ZPBP: variants seen among roughly 807,000 people sequenced by gnomAD.
The protein encoded by ZPBP is zona pellucida binding protein.
A neutral mutation model predicts 44.8 loss-of-function variants in ZPBP; 26 were observed. The observed-to-expected ratio is 0.58, with a 90% CI of 0.43 to 0.81. The LOEUF is 0.81. Ranked by LOEUF, ZPBP falls within the 30% of genes least tolerant of loss-of-function variation. The pLI is 0.00. For synonymous variants in ZPBP, 174 were observed against 153.2 expected, an observed-to-expected ratio of 1.14 and a Z score of -1.00; for missense variants, 409 against 434.0, an observed-to-expected ratio of 0.94 and a Z score of 0.51.
chr7:49,909,506 G>A (rs1176993369), intron 1 of ZPBP, among the ~76,000 whole-genome samples: 2 of 152,176 alleles, frequency 1.3e-5, no homozygotes, highest in African/African-American at 2.4e-5. Context: ...GTGTGGTGGA[G>A]TGCAGAGAGG....
chr7:49,963,173 T>A (rs531397380), intron 7 of ZPBP, among the ~76,000 whole-genome samples: 2,641 of 147,118 alleles, frequency 0.018, 28 homozygotes, highest in Middle Eastern at 0.028. Flanking sequence ...TGGTTTTTTT[T>A]AATTTTATTA....
rs5884137 is a variant in ZPBP, at chr7:50,054,262, C to CA, written c.487+3726dup. ...GAATTAAAATTGATAGCTCTCATTACAAAAAAAAAATTGAAACTTCTGTTA... is the reference window on the plus strand; with the variant it reads ...GAATTAAAATTGATAGCTCTCATTACAAAAAAAAAAATTGAAACTTCTGTTA... On this transcript the variant is annotated intron_variant, in intron 4 of 7. Transcript: ENST00000046087. Among the ~76,000 whole-genome samples the CA allele has an allele frequency of 4.8e-3, 715 of 148,398 alleles. 3 individuals carry two copies. Among genetic ancestry groups the CA allele is most frequent in the African/African-American group, 0.017 (677 of 40,270 alleles).
chr7:50,048,155 C>T (rs547710972), intron 4 of ZPBP, among the ~76,000 whole-genome samples: 4 of 151,450 alleles, frequency 2.6e-5, no homozygotes, highest in South Asian at 2.1e-4. Context: ...AAAACAACAA[C>T]GAAAAGTTAC....
chr7:50,042,065 A>T (rs1800120896), intron 4 of ZPBP, among the ~76,000 whole-genome samples: 2 of 152,194 alleles, frequency 1.3e-5, no homozygotes, highest in Admixed American at 1.3e-4. Flanking sequence ...AAGCAAAGAA[A>T]GGATATCAGA....
rs551698637 is a variant in ZPBP, at chr7:49,901,896, T to G, written n.412-681A>C. 8.0e-4 allele frequency among the ~76,000 whole-genome samples: 122 copies of G among 152,050 alleles called. 1 individual carries two copies. The highest frequency in any genetic ancestry group is 6.8e-3 in the Middle Eastern group (2 of 294). On this transcript the variant is annotated intron_variant and non_coding_transcript_variant, in intron 1 of 2. Coordinates refer to the ZPBP transcript ENST00000465922. ...AACACTGTTTGCTAACACTGTTAGC[T>G]AACACTGTTTGCTAACAGAGTAAAC... is the stretch of plus-strand genomic sequence containing the variant.
intron 1 of ZPBP, chr7:49,915,426 G>A (rs986509448): frequency 2.6e-5 from 4 of 152,280 alleles, no homozygotes; most frequent in Non-Finnish European, 5.9e-5. Flanking sequence ...GAATTATCAT[G>A]CAGTTTTAAG....
intron 4 of ZPBP, among the ~76,000 whole-genome samples, chr7:50,050,188 A>T (rs1182700863): frequency 1.3e-5 from 2 of 152,092 alleles, no homozygotes; most frequent in Non-Finnish European, 2.9e-5. Context: ...AAATTAATCT[A>T]TAAATTGAAT....
At chr7:49,952,929 C>T (rs1490167038) in intron 7 of ZPBP, among the ~76,000 whole-genome samples, 2 of 151,992 alleles carry the variant, frequency 1.3e-5, no homozygotes, top group Non-Finnish European at 2.9e-5. Context: ...CATGTATCAA[C>T]TTGCCTGAAA....
At chr7:50,056,704 G>A (rs1438182554) in intron 4 of ZPBP, among the ~76,000 whole-genome samples, 1 of 152,098 alleles carries the variant, frequency 6.6e-6, no homozygotes, top group Admixed American at 6.6e-5. Context: ...GACAAACACC[G>A]CCACTTTAAG....
intron 3 of ZPBP, among the ~76,000 whole-genome samples, chr7:50,064,387 A>G (rs1801399264): frequency 6.6e-6 from 1 of 152,236 alleles, no homozygotes; most frequent in East Asian, 1.9e-4. Flanking sequence ...CATTGATAAC[A>G]TCTTATCAGG....
At chr7:49,958,183 T>A (rs923034725) in intron 7 of ZPBP, among the ~76,000 whole-genome samples, 8 of 152,180 alleles carry the variant, frequency 5.3e-5, no homozygotes, top group African/African-American at 1.9e-4. Context: ...GAAATTTGCC[T>A]CAGGATGTAT....
chr7:49,850,364 CA>C (rs1290860493), downstream of ZPBP: 7 of 152,320 alleles, frequency 4.6e-5, no homozygotes, highest in Admixed American at 2.0e-4. Flanking sequence ...CCAAGATGAA[CA>C]AAACTGGCCA....
chr7:49,879,381 T>C (rs895279839), intron 2 of ZPBP, among the ~76,000 whole-genome samples: 1 of 152,210 alleles, frequency 6.6e-6, no homozygotes, highest in Non-Finnish European at 1.5e-5. Context: ...CAAATGTTTG[T>C]AGGAATGATT....
chr7:50,084,450 T>C (rs1426977661), intron 2 of ZPBP, among the ~76,000 whole-genome samples: 2 of 151,332 alleles, frequency 1.3e-5, no homozygotes, highest in Non-Finnish European at 2.9e-5. Context: ...AGTGAATTAA[T>C]TAATACATGA....
chr7:49,911,449 T>C (rs1199697798), intron 1 of ZPBP, among the ~76,000 whole-genome samples: 2 of 116,986 alleles, frequency 1.7e-5, no homozygotes, highest in African/African-American at 6.8e-5. Flanking sequence ...GCCACTGCAC[T>C]CCAGCCTGGT....
At chr7:49,895,076 A>G (rs1490342352) in intron 2 of ZPBP, among the ~76,000 whole-genome samples, 1 of 152,210 alleles carries the variant, frequency 6.6e-6, no homozygotes, top group Non-Finnish European at 1.5e-5. Context: ...ATTTATAAAC[A>G]TCAGAAATGT....
intron 1 of ZPBP, chr7:49,913,206 C>T (rs1219639248): frequency 6.6e-6 from 1 of 152,108 alleles, no homozygotes; most frequent in African/African-American, 2.4e-5. Flanking sequence ...AATTAGCCAC[C>T]CTTCACAAGC....
rs147263789 is a variant in ZPBP, at chr7:49,929,741, G to A, written n.411+6010C>T. On this transcript the variant is annotated intron_variant and non_coding_transcript_variant, in intron 1 of 2. Coordinates refer to the ZPBP transcript ENST00000465922. Reference sequence around the variant, plus strand: ...TGATGTAAACTTCTATATATCATCCGTGACTCAACATGCATTAACTGAGAT... The same window carrying A: ...TGATGTAAACTTCTATATATCATCCATGACTCAACATGCATTAACTGAGAT... Among the ~76,000 whole-genome samples the A allele has an allele frequency of 1.6e-3, 242 of 152,288 alleles. 3 individuals are homozygous for A. The highest frequency in any genetic ancestry group is 5.4e-3 in the African/African-American group (224 of 41,554).
chr7:50,004,217 T>G (rs1466341232), intron 6 of ZPBP, among the ~76,000 whole-genome samples: 1 of 152,092 alleles, frequency 6.6e-6, no homozygotes, highest in African/African-American at 2.4e-5. Flanking sequence ...ATAAGTTTGC[T>G]TGCTGAGTCC....
Sources: allele counts gnomAD v4.1 joint callset (sites outside exome capture counted in the v4.1 genomes callset), GRCh38; gene constraint gnomAD v4.1.1; transcripts MANE v1.5; gene names NCBI Gene and HGNC (gene_info 2026-07-23, HGNC 2026-07-21).